SUPT3H: variants seen among roughly 807,000 people sequenced by gnomAD.
The protein encoded by SUPT3H is SPT3 homolog, SAGA and STAGA complex component, also known as transcription initiation protein SPT3 homolog.
In SUPT3H, 44 loss-of-function variants were observed where a neutral mutation model predicts 44.3. That is an observed-to-expected ratio of 0.99 (90% CI 0.78 to 1.28). The LOEUF (loss-of-function observed/expected upper bound fraction) is 1.28, where lower values mean the gene tolerates loss of function less well. Among genes scored for constraint, SUPT3H ranks in the 50% most tolerant of loss-of-function variants. The probability of loss-of-function intolerance (pLI) is 0.00; values close to 1 mark genes in which losing one functional copy is unlikely to be tolerated. For missense variants in SUPT3H, 380 were observed against 387.1 expected (o/e 0.98, Z 0.15); for synonymous variants, 124 against 125.6 (o/e 0.99, Z 0.09).
At chr6:44,894,708 T>C (rs115515766) in intron 10 of SUPT3H, among the ~76,000 whole-genome samples, 2,254 of 151,980 alleles carry the variant, frequency 0.015, 59 homozygotes, top group African/African-American at 0.05. Flanking sequence ...GATGCGGTTT[T>C]TCAAATTATT....
At chr6:45,020,679 T>C in intron 3 of SUPT3H, 47 bp from the exon 4 acceptor site, 1 of 1,371,810 alleles carries the variant, frequency 7.3e-7, no homozygotes, top group Non-Finnish European at 1.0e-6. Flanking sequence ...ACACAAATTA[T>C]ATATAGTACA....
chr6:45,341,564 C>T (rs1364389761), intron 2 of SUPT3H, among the ~76,000 whole-genome samples: 1 of 152,136 alleles, frequency 6.6e-6, no homozygotes, highest in Admixed American at 6.6e-5. Flanking sequence ...TCATTAGAAA[C>T]ATCCACTGAA....
At chr6:45,225,136 G>A (rs780287934) in intron 2 of SUPT3H, among the ~76,000 whole-genome samples, 7 of 151,604 alleles carry the variant, frequency 4.6e-5, no homozygotes, top group Admixed American at 2.0e-4. Context: ...AAAATTAGCC[G>A]GGTGTGGTGG....
At chr6:44,837,371 T>C (rs946039109) in intron 10 of SUPT3H, among the ~76,000 whole-genome samples, 1 of 152,232 alleles carries the variant, frequency 6.6e-6, no homozygotes, top group African/African-American at 2.4e-5. Flanking sequence ...ATCTAATGAA[T>C]GAATGAATTT....
chr6:45,339,702 T>C (rs1789355626), intron 2 of SUPT3H, among the ~76,000 whole-genome samples: 1 of 152,152 alleles, frequency 6.6e-6, no homozygotes, highest in African/African-American at 2.4e-5. Context: ...TCTAAGTACA[T>C]AATCAATCTA....
intron 10 of SUPT3H, among the ~76,000 whole-genome samples, chr6:44,924,398 T>C (rs771535703): frequency 2.5e-4 from 38 of 152,070 alleles, no homozygotes; most frequent in Non-Finnish European, 5.3e-4. Context: ...ACTTACTGAG[T>C]GAAATTTTAA....
chr6:44,850,381 A>C (rs1772662983), intron 10 of SUPT3H, among the ~76,000 whole-genome samples: 1 of 152,000 alleles, frequency 6.6e-6, no homozygotes, highest in East Asian at 1.9e-4. Flanking sequence ...CTTTAAAGGG[A>C]CACACTCTTC....
intron 9 of SUPT3H, among the ~76,000 whole-genome samples, chr6:44,939,118 G>A (rs1393301799): frequency 6.6e-6 from 1 of 152,146 alleles, no homozygotes; most frequent in African/African-American, 2.4e-5. Flanking sequence ...AATAGGAGTG[G>A]TTAAAGTGGG....
At chr6:45,003,098 G>T (rs1782219229) in intron 6 of SUPT3H, among the ~76,000 whole-genome samples, 1 of 152,078 alleles carries the variant, frequency 6.6e-6, no homozygotes, top group African/African-American at 2.4e-5. Flanking sequence ...AAGGTAAAAA[G>T]AAGACATATA....
downstream of SUPT3H, among the ~76,000 whole-genome samples, chr6:44,825,801 T>C (rs1767702957): frequency 6.6e-6 from 1 of 151,494 alleles, no homozygotes; most frequent in South Asian, 2.1e-4. Flanking sequence ...TTTTTTCCTA[T>C]CTATCTATCT....
intron 2 of SUPT3H, among the ~76,000 whole-genome samples, chr6:45,113,935 C>T (rs1247741038): frequency 6.6e-6 from 1 of 151,828 alleles, no homozygotes; most frequent in East Asian, 1.9e-4. Flanking sequence ...TTTCCCCATT[C>T]CCCTTCTGAT....
At chr6:44,859,564 T>A (rs1774275668) in intron 10 of SUPT3H, among the ~76,000 whole-genome samples, 1 of 152,174 alleles carries the variant, frequency 6.6e-6, no homozygotes, top group Non-Finnish European at 1.5e-5. Flanking sequence ...ATGAGGTTAT[T>A]GCTTAATAGA....
chr6:45,168,328 G>T (rs142918974), intron 2 of SUPT3H, among the ~76,000 whole-genome samples: 3 of 151,926 alleles, frequency 2.0e-5, no homozygotes, highest in Admixed American at 6.6e-5. Flanking sequence ...AAATTTTCTC[G>T]AATTTTGGAA....
At chr6:45,190,248 A>G (rs1282885819) in intron 2 of SUPT3H, among the ~76,000 whole-genome samples, 1 of 152,172 alleles carries the variant, frequency 6.6e-6, no homozygotes, top group Non-Finnish European at 1.5e-5. Flanking sequence ...TTAAAAAAGA[A>G]ATCTATACAT....
At chr6:45,204,331 G>C (rs912556926) in intron 2 of SUPT3H, among the ~76,000 whole-genome samples, 9 of 148,644 alleles carry the variant, frequency 6.1e-5, no homozygotes, top group African/African-American at 2.2e-4. Flanking sequence ...CCAGGTAAGA[G>C]TCTAAAATAA....
intron 2 of SUPT3H, among the ~76,000 whole-genome samples, chr6:45,259,198 G>A (rs542189863): frequency 4.6e-5 from 7 of 151,890 alleles, no homozygotes; most frequent in South Asian, 4.2e-4. Context: ...TTCCAATTGC[G>A]CACCAGAAAT....
chr6:45,159,382 G>C (rs1222067726), intron 2 of SUPT3H: 1 of 152,074 alleles, frequency 6.6e-6, no homozygotes, highest in Non-Finnish European at 1.5e-5. Context: ...TAGGCCTCTA[G>C]GCTTCAAAAT....
At chr6:44,880,344 T>C (rs984392766) in intron 10 of SUPT3H, among the ~76,000 whole-genome samples, 2 of 151,800 alleles carry the variant, frequency 1.3e-5, no homozygotes, top group Non-Finnish European at 2.9e-5. Context: ...GAAGATCAAC[T>C]TGAAGAAATA....
chr6:45,195,298 T>C (rs1815833420), intron 2 of SUPT3H, among the ~76,000 whole-genome samples: 1 of 152,118 alleles, frequency 6.6e-6, no homozygotes, highest in African/African-American at 2.4e-5. Context: ...TTCCAACCCA[T>C]GCCCTTAGGA....
Sources: allele counts gnomAD v4.1 joint callset (sites outside exome capture counted in the v4.1 genomes callset), GRCh38; gene constraint gnomAD v4.1.1; transcripts MANE v1.5; gene names NCBI Gene and HGNC (gene_info 2026-07-23, HGNC 2026-07-21).